The following CNOT2 variants were observed in gnomAD, a reference collection of about 807,000 sequenced individuals.
CNOT2 encodes CC chemokine receptor 4-negative regulator of transcription 2.
CNOT2 carries 7 observed loss-of-function variants against 72.1 expected under a neutral mutation model. The observed-to-expected ratio is 0.10, with a 90% CI of 0.06 to 0.18. The LOEUF (loss-of-function observed/expected upper bound fraction) is 0.18, where lower values mean the gene tolerates loss of function less well. Ranked by LOEUF, CNOT2 falls within the 10% of genes least tolerant of loss-of-function variation. The pLI, the probability that CNOT2 is intolerant of heterozygous loss-of-function variation, is 1.00. For synonymous variants in CNOT2, 196 were observed against 225.6 expected, an observed-to-expected ratio of 0.87 and a Z score of 1.17; for missense variants, 345 against 660.3, an observed-to-expected ratio of 0.52 and a Z score of 5.23.
chr12:70,244,577 A>C (rs1957784297), intron 1 of CNOT2, among the ~76,000 whole-genome samples: 1 of 152,192 alleles, frequency 6.6e-6, no homozygotes, highest in African/African-American at 2.4e-5. Context: ...ACCCTCTCAG[A>C]GGGAACCTAA....
At chr12:70,304,352 G>C (rs1473641288) in intron 2 of CNOT2, among the ~76,000 whole-genome samples, 1 of 151,940 alleles carries the variant, frequency 6.6e-6, no homozygotes, top group East Asian at 1.9e-4. Flanking sequence ...TTTGGTCTTT[G>C]ATGATGGTGA....
intron 15 of CNOT2, among the ~76,000 whole-genome samples, chr12:70,349,599 T>G (rs1479840147): frequency 6.6e-6 from 1 of 152,170 alleles, no homozygotes; most frequent in Non-Finnish European, 1.5e-5. Context: ...GATTAGATAA[T>G]CTAAACCAGA....
intron 11 of CNOT2, among the ~76,000 whole-genome samples, chr12:70,339,087 T>TACAC (rs1230795520): frequency 6.7e-5 from 9 of 133,848 alleles, no homozygotes; most frequent in African/African-American, 2.8e-4. Flanking sequence ...TATATATATA[T>TACAC]ATATACACAC....
chr12:70,314,022 T>C (rs888769389), intron 3 of CNOT2, among the ~76,000 whole-genome samples: 1 of 152,128 alleles, frequency 6.6e-6, no homozygotes, highest in South Asian at 2.1e-4. Context: ...ATCCTTTGTT[T>C]TAAAAAAATG....
At chr12:70,328,379 C>G (rs768534508) in intron 4 of CNOT2, among the ~76,000 whole-genome samples, 1 of 151,850 alleles carries the variant, frequency 6.6e-6, no homozygotes, top group South Asian at 2.1e-4. Context: ...TCTATCTTAT[C>G]ACTTTTATTT....
At chr12:70,307,526 T>C (rs1210065721) in intron 2 of CNOT2, among the ~76,000 whole-genome samples, 2 of 152,098 alleles carry the variant, frequency 1.3e-5, no homozygotes, top group African/African-American at 4.8e-5. Flanking sequence ...TGGTCCATCA[T>C]TGACTGAAAT....
At chr12:70,329,954 A>C (rs562952508) in intron 5 of CNOT2, among the ~76,000 whole-genome samples, 1 of 152,026 alleles carries the variant, frequency 6.6e-6, no homozygotes. Context: ...GACATAGACT[A>C]TACATTTAGT....
chr12:70,329,637 T>G (rs1593249002), intron 5 of CNOT2, 67 bp downstream of exon 5: 1 of 1,125,086 alleles, frequency 8.9e-7, no homozygotes, highest in East Asian at 2.4e-5. Context: ...CTTTTAGTTT[T>G]TTAATAAGGT....
chr12:70,341,895 A>G (rs1881558286), intron 11 of CNOT2: 1 of 595,368 alleles, frequency 1.7e-6, no homozygotes, highest in Non-Finnish European at 3.0e-6. Context: ...CTGTATTGCA[A>G]GAATACTGAG....
intron 2 of CNOT2, among the ~76,000 whole-genome samples, chr12:70,307,208 C>T (rs572133121): frequency 9.9e-5 from 15 of 152,198 alleles, no homozygotes; most frequent in South Asian, 6.2e-4. Context: ...TTTTCATTCT[C>T]GAATAATGAG....
At chr12:70,257,354 C>CCTTTTTT (rs1958507396) in intron 1 of CNOT2, among the ~76,000 whole-genome samples, 2 of 128,568 alleles carry the variant, frequency 1.6e-5, no homozygotes, top group African/African-American at 5.6e-5. Flanking sequence ...CAACTACCCC[C>CCTTTTTT]TTTTTTTTTT....
chr12:70,252,998 A>G (rs980166703), intron 1 of CNOT2, among the ~76,000 whole-genome samples: 4 of 152,246 alleles, frequency 2.6e-5, no homozygotes, highest in Non-Finnish European at 5.9e-5. Flanking sequence ...ACAAGAATGC[A>G]GTCTTGCTCT....
At chr12:70,243,240 A>G (rs1957652197), upstream of CNOT2, 1 of 152,632 alleles carries the variant, frequency 6.6e-6, no homozygotes, top group Admixed American at 6.5e-5. Flanking sequence ...GAGCGGCGGT[A>G]AGGGCGGTAG....
Position 70,344,991 on chromosome 12 carries a change from A to G in CNOT2, c.1391+763A>G, listed in dbSNP as rs139180292. 9.6e-4 allele frequency: 146 copies of G among 152,292 alleles called. 1 individual carries two copies. Among genetic ancestry groups the G allele is most frequent in the African/African-American group, 3.4e-3 (141 of 41,580 alleles). The allele number at this position is 152,292 out of a possible 1,614,324, so 9.4% of individuals were successfully genotyped here. On this transcript the variant is annotated intron_variant, in intron 14 of 15. Transcript: ENST00000229195. ...TCCACATTTTCATTATCAGCAGTCT[A>G]TTGGCCAGTTTAAACAAATATTAAT...
In CNOT2 at chr12:70,322,370, G is replaced by A. The variant is rs568103707; in HGVS notation, c.238+3006G>A. On this transcript the variant is annotated intron_variant, in intron 4 of 15. Transcript: ENST00000229195. Reference sequence around the variant, plus strand: ...CTGTCTCCTAGATTAGAATCAACAGGGAACCAGGAATTAATTTCTCCTGGA... The same window carrying A: ...CTGTCTCCTAGATTAGAATCAACAGAGAACCAGGAATTAATTTCTCCTGGA... 20 of 151,776 alleles carry A rather than the reference G, an allele frequency of 1.3e-4. 2 individuals carry two copies. The East Asian group carries it at 3.9e-3, about 30-fold the overall frequency. The allele number at this position is 151,776 out of a possible 1,614,324, so 9.4% of individuals were successfully genotyped here.
At chr12:70,264,825 T>C (rs1044024459) in intron 1 of CNOT2, among the ~76,000 whole-genome samples, 2 of 152,160 alleles carry the variant, frequency 1.3e-5, no homozygotes, top group South Asian at 4.1e-4. Context: ...TCTATTGAGA[T>C]TTAGTAGATT....
At chr12:70,272,804 T>C (rs1868282530) in intron 1 of CNOT2, among the ~76,000 whole-genome samples, 1 of 152,076 alleles carries the variant, frequency 6.6e-6, no homozygotes, top group Non-Finnish European at 1.5e-5. Flanking sequence ...CCTGTAACAC[T>C]TCCTCCCATA....
chr12:70,319,575 A>G (rs1370144840), intron 4 of CNOT2, among the ~76,000 whole-genome samples: 1 of 151,838 alleles, frequency 6.6e-6, no homozygotes. Context: ...TGGATATAGC[A>G]TAGATTGAAA....
chr12:70,313,478 G>T (rs2135964017), intron 3 of CNOT2, among the ~76,000 whole-genome samples: 1 of 151,820 alleles, frequency 6.6e-6, no homozygotes, highest in East Asian at 1.9e-4. Context: ...TTTATGTTTT[G>T]TTCTTCACAT....
Sources: allele counts gnomAD v4.1 joint callset (sites outside exome capture counted in the v4.1 genomes callset), GRCh38; gene constraint gnomAD v4.1.1; transcripts MANE v1.5; gene names NCBI Gene and HGNC (gene_info 2026-07-23, HGNC 2026-07-21).